The following DMRT1 variants were observed in gnomAD, a reference collection of about 807,000 sequenced individuals.
DMRT1 encodes doublesex and mab-3 related transcription factor 1.
A neutral mutation model predicts 32.3 loss-of-function variants in DMRT1; 7 were observed. That is an observed-to-expected ratio of 0.22 (90% CI 0.12 to 0.41). The LOEUF (loss-of-function observed/expected upper bound fraction) is 0.41, where lower values mean the gene tolerates loss of function less well. Ranked by LOEUF, DMRT1 falls within the 10% of genes least tolerant of loss-of-function variation. DMRT1 has a pLI of 1.00. For synonymous variants in DMRT1, 278 were observed against 206.1 expected (o/e 1.35, Z -2.99); for missense variants, 625 against 500.5 (o/e 1.25, Z -2.37).
rs1838786705 is a variant in DMRT1 at position 843,681 on chromosome 9, C to T, written c.354+1489C>T. Among the ~76,000 whole-genome samples the T allele has an allele frequency of 1.3e-5, 2 of 152,100 alleles. 1 individual carries two copies. The highest frequency in any genetic ancestry group is 4.2e-4 in the South Asian group (2 of 4,816). ...TAAAAGTTGTTTCATCTTTTTAAGA[C>T]AGGTTATTTAAAATGAAAAGATAAC... On this transcript the variant is annotated intron_variant, in intron 1 of 4. Coordinates refer to ENST00000382276, the MANE Select transcript of DMRT1 (RefSeq NM_021951.3).
chr9:957,778 G>C (rs1052472637), intron 4 of DMRT1, among the ~76,000 whole-genome samples: 1 of 152,192 alleles, frequency 6.6e-6, no homozygotes, highest in Non-Finnish European at 1.5e-5. Context: ...GGGAGGCTGA[G>C]GCAGGTGGAT....
chr9:945,910 T>C (rs111240542), intron 4 of DMRT1, among the ~76,000 whole-genome samples: 2,321 of 152,246 alleles, frequency 0.015, 57 homozygotes, highest in African/African-American at 0.053. Flanking sequence ...TGTAGAAATG[T>C]GGTTTGCTTG....
intron 2 of DMRT1, among the ~76,000 whole-genome samples, chr9:870,787 C>G (rs1045311167): frequency 5.2e-5 from 7 of 134,300 alleles, no homozygotes; most frequent in Admixed American, 4.9e-4. Context: ...TCATGGCTCA[C>G]TGCACCCTCT....
chr9:851,445 G>A (rs144961156), intron 2 of DMRT1, among the ~76,000 whole-genome samples: 219 of 152,130 alleles, frequency 1.4e-3, no homozygotes, highest in Admixed American at 3.2e-3. Context: ...CACCATGTTG[G>A]TCAGGCTGGT....
intron 3 of DMRT1, among the ~76,000 whole-genome samples, chr9:909,589 T>C (rs1817899733): frequency 6.6e-6 from 1 of 152,214 alleles, no homozygotes; most frequent in Admixed American, 6.5e-5. Context: ...CCCAGAATTC[T>C]ACAGCCTGTG....
intron 4 of DMRT1, among the ~76,000 whole-genome samples, chr9:951,462 C>G (rs952585353): frequency 6.6e-5 from 10 of 152,176 alleles, no homozygotes; most frequent in African/African-American, 1.7e-4. Flanking sequence ...ATCCACTTAC[C>G]TAGCAGTGCA....
chr9:879,308 T>C (rs1024352800), intron 2 of DMRT1, among the ~76,000 whole-genome samples: 4 of 152,298 alleles, frequency 2.6e-5, no homozygotes, highest in African/African-American at 7.2e-5. Context: ...AAAAAAAAAT[T>C]ATGCTTTTAA....
At chr9:881,181 C>A (rs1232909450) in intron 2 of DMRT1, among the ~76,000 whole-genome samples, 2 of 152,114 alleles carry the variant, frequency 1.3e-5, no homozygotes, top group East Asian at 3.8e-4. Flanking sequence ...CTAAAACATT[C>A]TTGGTAGGGA....
At chr9:900,884 G>T (rs181429519) in intron 3 of DMRT1, among the ~76,000 whole-genome samples, 1 of 151,880 alleles carries the variant, frequency 6.6e-6, no homozygotes, top group African/African-American at 2.4e-5. Flanking sequence ...TAGAGATGGG[G>T]GTCTCAGTGT....
At chr9:908,425 T>G (rs1386830939) in intron 3 of DMRT1, among the ~76,000 whole-genome samples, 1 of 151,908 alleles carries the variant, frequency 6.6e-6, no homozygotes, top group Non-Finnish European at 1.5e-5. Context: ...ACCACTGTAC[T>G]CCAGGCTGGG....
rs1386756168 is a variant in DMRT1, at chr9:965,547, C to G, written c.968-2438C>G. On this transcript the variant is annotated intron_variant, in intron 4 of 4. Coordinates refer to ENST00000382276, the MANE Select transcript of DMRT1 (RefSeq NM_021951.3). The surrounding 1 kb of genome is among the most constrained non-coding windows in gnomAD (Gnocchi z 4.5). ...CAAATTCCTTTCTTTTGCAAAATTC[C>G]CACTCCTCCCCTTTTCAGTCCCAAG... Among the ~76,000 whole-genome samples, 1 of 152,170 alleles carries G rather than the reference C, an allele frequency of 6.6e-6. No homozygotes were observed. The highest frequency in any genetic ancestry group is 1.5e-5 in the Non-Finnish European group (1 of 68,028).
chr9:912,868 G>A (rs559747577), intron 3 of DMRT1, among the ~76,000 whole-genome samples: 1 of 152,258 alleles, frequency 6.6e-6, no homozygotes, highest in Admixed American at 6.5e-5. Context: ...TTCTTGAGTG[G>A]AGTCCAGGCA....
intron 2 of DMRT1, among the ~76,000 whole-genome samples, chr9:853,248 T>A (rs1815239364): frequency 6.6e-6 from 1 of 152,074 alleles, no homozygotes; most frequent in Admixed American, 6.6e-5. Context: ...CACTGATGCA[T>A]CATTGTCATC....
At chr9:853,351 T>G (rs1815243516) in intron 2 of DMRT1, among the ~76,000 whole-genome samples, 1 of 152,226 alleles carries the variant, frequency 6.6e-6, no homozygotes, top group Non-Finnish European at 1.5e-5. Flanking sequence ...CATTATAGTA[T>G]TCACAGCATT....
At chr9:861,322 G>A (rs1432135142) in intron 2 of DMRT1, among the ~76,000 whole-genome samples, 2 of 151,998 alleles carry the variant, frequency 1.3e-5, no homozygotes, top group Non-Finnish European at 2.9e-5. Context: ...AGTTTGCACC[G>A]CCCTTAATCC....
intron 2 of DMRT1, among the ~76,000 whole-genome samples, chr9:887,010 C>G (rs1047050766): frequency 6.6e-6 from 1 of 152,190 alleles, no homozygotes; most frequent in Non-Finnish European, 1.5e-5. Context: ...CTTTCCTGGT[C>G]TCTGGATGAC....
rs748369664 is a variant in DMRT1, at chr9:842,008, G to C, written c.170G>C (p.Gly57Ala). ...GGCAGCAGCAGAGGAGGCGGCTCCG[G>C]CTCCGGGGCGTCGGACCTGGGTGCC... Reference protein sequence around the residue: ...AGGSSRGGGSGSGASDLGAGS... With the variant: ...AGGSSRGGGSASGASDLGAGS... Residue 57 changes from glycine (G) to alanine (A), a missense_variant, in exon 1 of 5, where the codon GGC (glycine) becomes GCC (alanine). By Grantham distance (60) the Gly-to-Ala change is moderately conservative. Around this residue, in one of 3 missense-constraint regions of DMRT1, gnomAD observed 201 missense variants for 152.0 expected, o/e 1.32. Transcript: ENST00000382276. 1.9e-6 allele frequency: 3 copies of C among 1,554,490 alleles called. No individual in the cohort carries two copies. In the African/African-American group the frequency reaches 4.1e-5, roughly 21 times the overall value.
intron 4 of DMRT1, among the ~76,000 whole-genome samples, chr9:948,185 G>A (rs530736989): frequency 2.6e-4 from 40 of 152,336 alleles, no homozygotes; most frequent in African/African-American, 8.9e-4. Flanking sequence ...TGAGGCCTGT[G>A]GGGTGGAGCC....
At chr9:887,298 T>G (rs772703782) in intron 2 of DMRT1, among the ~76,000 whole-genome samples, 3 of 152,234 alleles carry the variant, frequency 2.0e-5, no homozygotes, top group Non-Finnish European at 4.4e-5. Flanking sequence ...TACGGCCTCC[T>G]TGTGCAAGCT....
Sources: allele counts gnomAD v4.1 joint callset (sites outside exome capture counted in the v4.1 genomes callset), GRCh38; gene constraint gnomAD v4.1.1; regional missense constraint gnomAD v4.1.1; non-coding constraint Gnocchi (gnomAD v3.1); transcripts MANE v1.5; gene names NCBI Gene and HGNC (gene_info 2026-07-23, HGNC 2026-07-21).